The following SLC35F3 variants were observed in gnomAD, a reference collection of about 807,000 sequenced individuals.
SLC35F3 encodes solute carrier family 35 member F3, also known as putative thiamine transporter SLC35F3.
A neutral mutation model predicts 49.9 loss-of-function variants in SLC35F3; 25 were observed. The ratio of observed to expected loss-of-function variants is 0.50; its 90% confidence interval spans 0.37 to 0.70. The LOEUF is 0.70. Ranked by LOEUF, SLC35F3 falls within the 30% of genes least tolerant of loss-of-function variation. SLC35F3 has a pLI of 0.00. For missense variants in SLC35F3, 525 were observed against 639.8 expected, an observed-to-expected ratio of 0.82 and a Z score of 1.94; for synonymous variants, 275 against 265.4, an observed-to-expected ratio of 1.04 and a Z score of -0.35.
intron 2 of SLC35F3, among the ~76,000 whole-genome samples, chr1:234,012,884 T>C (rs1427793115): frequency 1.3e-5 from 2 of 152,168 alleles, no homozygotes; most frequent in Non-Finnish European, 2.9e-5. Flanking sequence ...AATATTATAA[T>C]AGTATGGGAC....
At chr1:234,257,120 G>A (rs1667831929) in intron 3 of SLC35F3, among the ~76,000 whole-genome samples, 1 of 152,182 alleles carries the variant, frequency 6.6e-6, no homozygotes, top group Non-Finnish European at 1.5e-5. Context: ...ACTGAGATAA[G>A]TAGGTTGGGG....
At chr1:234,155,682 T>C (rs561639724) in intron 2 of SLC35F3, among the ~76,000 whole-genome samples, 6 of 151,550 alleles carry the variant, frequency 4.0e-5, no homozygotes, top group East Asian at 3.9e-4. Flanking sequence ...TAATGACATA[T>C]AAGAATTAAA....
intron 3 of SLC35F3, among the ~76,000 whole-genome samples, chr1:234,233,888 G>T (rs1225764720): frequency 6.6e-6 from 1 of 152,088 alleles, no homozygotes; most frequent in Non-Finnish European, 1.5e-5. Flanking sequence ...CTGATTATAA[G>T]CTGTGTTAGC....
intron 2 of SLC35F3, among the ~76,000 whole-genome samples, chr1:234,188,297 G>A (rs937432354): frequency 6.6e-6 from 1 of 151,886 alleles, no homozygotes; most frequent in African/African-American, 2.4e-5. Flanking sequence ...CCTGGTGCAA[G>A]TTCTGAGCCC....
chr1:234,134,366 A>G (rs1032675889), intron 2 of SLC35F3, among the ~76,000 whole-genome samples: 10 of 148,792 alleles, frequency 6.7e-5, no homozygotes, highest in African/African-American at 2.4e-4. Context: ...ATGTGTGTAT[A>G]TAAATATAAA....
At chr1:234,308,618 A>G (rs1404070544) in intron 3 of SLC35F3, among the ~76,000 whole-genome samples, 9 of 143,944 alleles carry the variant, frequency 6.3e-5, no homozygotes, top group Admixed American at 6.2e-4. Context: ...TCCTTCTCCC[A>G]CAACCCCCAC....
intron 2 of SLC35F3, among the ~76,000 whole-genome samples, chr1:234,085,013 A>G (rs1056192143): frequency 1.3e-5 from 2 of 152,214 alleles, no homozygotes; most frequent in African/African-American, 4.8e-5. Context: ...AAGCATTATG[A>G]CAAGTGAAAG....
Position 233,952,622 on chromosome 1 carries a change from C to A in SLC35F3, c.283+46864C>A, listed in dbSNP as rs7515636. 1.7e-3 allele frequency among the ~76,000 whole-genome samples: 260 copies of A among 152,296 alleles called. 1 individual carries two copies. Among genetic ancestry groups the A allele is most frequent in the African/African-American group, 6.1e-3 (254 of 41,564 alleles). ...TTTTCTTCTTGCAACCAAATCACAT[C>A]CAGTGTCTCCCACACACCACACCCC... On this transcript the variant is annotated intron_variant, in intron 2 of 7. Coordinates refer to ENST00000366618, the MANE Select transcript of SLC35F3 (RefSeq NM_173508.4).
intron 2 of SLC35F3, among the ~76,000 whole-genome samples, chr1:233,935,920 A>G (rs1260019524): frequency 6.6e-6 from 1 of 152,150 alleles, no homozygotes; most frequent in Non-Finnish European, 1.5e-5. Flanking sequence ...TGTGTTTCAT[A>G]TTAACTCAGG....
intron 2 of SLC35F3, among the ~76,000 whole-genome samples, chr1:234,205,840 C>T (rs915855967): frequency 4.6e-5 from 7 of 152,034 alleles, no homozygotes; most frequent in Non-Finnish European, 8.8e-5. Flanking sequence ...CCTGCCTGAG[C>T]AGATAGCAGA....
chr1:234,032,114 G>T (rs926082722), intron 2 of SLC35F3, among the ~76,000 whole-genome samples: 1 of 151,780 alleles, frequency 6.6e-6, no homozygotes. Context: ...TTCTGCTCTC[G>T]GCATTCTCTA....
At chr1:234,066,827 CT>C (rs1226610336) in intron 2 of SLC35F3, among the ~76,000 whole-genome samples, 2 of 105,500 alleles carry the variant, frequency 1.9e-5, no homozygotes, top group African/African-American at 3.9e-5. Context: ...GTCCCTCTCT[CT>C]CCCACACACA....
At chr1:234,128,576 C>G (rs1665684195) in intron 2 of SLC35F3, among the ~76,000 whole-genome samples, 1 of 152,120 alleles carries the variant, frequency 6.6e-6, no homozygotes, top group Non-Finnish European at 1.5e-5. Flanking sequence ...AGAGACATAG[C>G]TGAGACTGAA....
intron 2 of SLC35F3, among the ~76,000 whole-genome samples, chr1:234,031,378 A>G (rs1664059620): frequency 6.6e-6 from 1 of 152,192 alleles, no homozygotes; most frequent in African/African-American, 2.4e-5. Flanking sequence ...CCTCATTTTC[A>G]ATTCCAGGCT....
At chr1:234,085,796 G>T (rs1025530462) in intron 2 of SLC35F3, among the ~76,000 whole-genome samples, 1 of 152,168 alleles carries the variant, frequency 6.6e-6, no homozygotes, top group Admixed American at 6.5e-5. Context: ...GTCTGTGTGT[G>T]ATATGGAACT....
At chr1:234,053,796 T>C (rs1274569066) in intron 2 of SLC35F3, among the ~76,000 whole-genome samples, 2 of 152,328 alleles carry the variant, frequency 1.3e-5, no homozygotes, top group East Asian at 3.9e-4. Flanking sequence ...TTCCTTTCCA[T>C]GTTTAGTGCT....
chr1:234,112,722 A>ATTTTTTTTT (rs1157248348), intron 2 of SLC35F3, among the ~76,000 whole-genome samples: 2 of 33,562 alleles, frequency 6.0e-5, no homozygotes, highest in African/African-American at 1.2e-4. Flanking sequence ...TGCCCAGCTA[A>ATTTTTTTTT]TTTTTTTTTT....
rs1469121704 is a variant in SLC35F3 at position 233,904,917 on chromosome 1, C to A, written c.-161C>A. On this transcript the variant is annotated 5_prime_UTR_variant, in exon 1 of 8. Coordinates refer to ENST00000366618, the MANE Select transcript of SLC35F3 (RefSeq NM_173508.4). ...CGCCGCGGAGGCGCTCGGGTACAGA[C>A]CGCGCGGGCGCGCACAAAGCGGCCC... 1.0e-5 allele frequency: 7 copies of A among 684,648 alleles called. No individual in the cohort carries two copies. The highest frequency in any genetic ancestry group is 1.1e-5 in the Non-Finnish European group (5 of 443,966). 42.4% of individuals were successfully genotyped at this position (684,648 alleles called of 1,614,324 possible). A position where few individuals can be genotyped will look rare whatever the true frequency, so the allele number is the denominator to read the frequency against.
chr1:233,962,384 A>G (rs1662818779), intron 2 of SLC35F3, among the ~76,000 whole-genome samples: 2 of 152,220 alleles, frequency 1.3e-5, no homozygotes, highest in African/African-American at 4.8e-5. Context: ...TTTACAGTTC[A>G]TCTTCATTAT....
Sources: allele counts gnomAD v4.1 joint callset (sites outside exome capture counted in the v4.1 genomes callset), GRCh38; gene constraint gnomAD v4.1.1; transcripts MANE v1.5; gene names NCBI Gene and HGNC (gene_info 2026-07-23, HGNC 2026-07-21).